Variants in DNAH14 observed in about 807,000 individuals in gnomAD.
The protein encoded by DNAH14 is dynein axonemal heavy chain 14, also known as axonemal beta dynein heavy chain 14.
DNAH14 carries 478 observed loss-of-function variants against 520.9 expected under a neutral mutation model. The ratio of observed to expected loss-of-function variants is 0.92; its 90% CI spans 0.85 to 0.99. The LOEUF (loss-of-function observed/expected upper bound fraction) is 0.99, where lower values mean the gene tolerates loss of function less well. Ranked by LOEUF, DNAH14 falls within the 50% of genes least tolerant of loss-of-function variation. DNAH14 has a pLI of 0.00. For synonymous variants in DNAH14, 1,581 were observed against 1,757.2 expected, an observed-to-expected ratio of 0.90 and a Z score of 2.51; for missense variants, 4,831 against 5,234.5, an observed-to-expected ratio of 0.92 and a Z score of 2.38.
At chr1:225,132,527 T>C (rs959565439) in intron 27 of DNAH14, among the ~76,000 whole-genome samples, 5 of 152,198 alleles carry the variant, frequency 3.3e-5, no homozygotes, top group Admixed American at 1.3e-4. Context: ...GATCCATCCA[T>C]GTCCCTGCAA....
rs2093067655 is a variant in DNAH14, at chr1:225,265,197, A to G, written c.7238A>G (p.Lys2413Arg). The G allele has an allele frequency of 6.8e-7, 1 of 1,479,696 alleles. No homozygotes were observed. Among genetic ancestry groups the G allele is most frequent in the East Asian group, 2.7e-5 (1 of 37,248 alleles). 91.7% of individuals were successfully genotyped at this position (1,479,696 alleles called of 1,614,324 possible). The change falls in exon 48 of 86, where the codon AAG (lysine) becomes AGG (arginine). Residue 2413 changes from lysine (K) to arginine (R), a missense_variant. Transcript: ENST00000682510. Reference protein sequence around the residue: ...ATGSSDNPTKKPEVRTNKKLL... With the variant: ...ATGSSDNPTKRPEVRTNKKLL... The stretch of plus-strand genomic sequence containing the variant: ...GGCATCACAGATAATCCCACTAAAA[A>G]GCCAGAAGTTAGAACTAATAAAAAG...
At chr1:224,950,260 A>G (rs1006621432) in intron 1 of DNAH14, among the ~76,000 whole-genome samples, 2 of 152,026 alleles carry the variant, frequency 1.3e-5, no homozygotes, top group African/African-American at 4.8e-5. Context: ...TTCTTTATTT[A>G]CAAGTTGTCC....
chr1:225,357,826 C>A (rs997011302), intron 73 of DNAH14: 11 of 702,032 alleles, frequency 1.6e-5, no homozygotes, highest in African/African-American at 3.5e-5. Context: ...AGATGTTGAA[C>A]ATGTTCAGGA....
intron 56 of DNAH14, among the ~76,000 whole-genome samples, chr1:225,302,764 G>A (rs1388926877): frequency 1.3e-5 from 2 of 152,074 alleles, no homozygotes; most frequent in African/African-American, 4.8e-5. Context: ...TACTCTTATT[G>A]TCAGTCTGTT....
At chr1:225,327,707 G>T (rs1265078906) in intron 64 of DNAH14, among the ~76,000 whole-genome samples, 1 of 150,356 alleles carries the variant, frequency 6.7e-6, no homozygotes, top group African/African-American at 2.5e-5. Context: ...CAGAAGAAAA[G>T]AAATAATAAA....
intron 17 of DNAH14, among the ~76,000 whole-genome samples, chr1:225,069,132 C>T (rs1199874418): frequency 6.6e-6 from 1 of 152,070 alleles, no homozygotes; most frequent in African/African-American, 2.4e-5. Context: ...GTGGAGTTTT[C>T]TAAATATCGG....
At position 225,300,889 on chromosome 1, in the gene DNAH14, G is replaced by C. The variant is rs369507297; in HGVS notation, c.8490G>C (p.Leu2830Phe). ...CTAAGGACTCATTTTTAGAAGATTT[G>C]AACTACATCATCAGTTCAGGAAGAA... is the stretch of plus-strand genomic sequence containing the variant. ...NIEQDSFLED[L>F]NYIISSGRIP... Residue 2830 changes from leucine (L) to phenylalanine (F), a missense_variant, in exon 56 of 86, where the codon TTG (leucine) becomes TTC (phenylalanine). Transcript: ENST00000682510. The C allele has an allele frequency of 1.3e-4, 199 of 1,550,280 alleles. 2 individuals carry two copies. Among genetic ancestry groups the C allele is most frequent in the Non-Finnish European group, 1.7e-4 (191 of 1,146,706 alleles).
At chr1:225,089,442 C>CAAAAAAAAAAAAAAAA (rs1169182387) in intron 21 of DNAH14, among the ~76,000 whole-genome samples, 1 of 29,890 alleles carries the variant, frequency 3.3e-5, no homozygotes, top group Non-Finnish European at 6.4e-5. Flanking sequence ...AAAACTCCGT[C>CAAAAAAAAAAAAAAAA]AAAAAAAAAA....
At position 225,023,754 on chromosome 1, in the gene DNAH14, AG is replaced by A; in HGVS notation, c.1249del (p.Glu417AsnfsTer7). 6.4e-7 allele frequency: 1 copy of A among 1,550,908 alleles called. No homozygotes were observed. The highest frequency in any genetic ancestry group is 8.7e-7 in the Non-Finnish European group (1 of 1,146,550). On this transcript the variant is annotated frameshift_variant, in exon 11 of 86. Coordinates refer to ENST00000682510, the MANE Select transcript of DNAH14 (RefSeq NM_001367479.1). LOFTEE classifies it high-confidence loss of function. Reference sequence around the variant, plus strand: ...GTAATGCTGGTTGACTACATATTTCAGGAACTCATTCGTCAACTTATGAACA... The same window carrying A: ...GTAATGCTGGTTGACTACATATTTCAGAACTCATTCGTCAACTTATGAACA... The part of the protein sequence containing the change: ...KFVMLVDYIF[Q>X]ELIRQLMNTA...
Position 225,087,026 on chromosome 1 carries a change from A to G in DNAH14, c.3573+1237A>G, listed in dbSNP as rs2073894759. ...CACACACACACACACACACACACAC[A>G]CACACACACAGCCTTCTACTTCTAA... On this transcript the variant is annotated intron_variant, in intron 21 of 85. Transcript: ENST00000682510. Among the ~76,000 whole-genome samples, 7 of 144,246 alleles carry G rather than the reference A, an allele frequency of 4.9e-5. No homozygotes were observed. The South Asian group carries it at 1.6e-3, about 33-fold the overall frequency. 94.6% of individuals were successfully genotyped at this position (144,246 alleles called of 152,430 possible). A position where few individuals can be genotyped will look rare whatever the true frequency, so the allele number is the denominator to read the frequency against.
intron 41 of DNAH14, among the ~76,000 whole-genome samples, chr1:225,222,435 G>A (rs942964325): frequency 6.6e-5 from 10 of 152,106 alleles, no homozygotes; most frequent in African/African-American, 2.4e-4. Context: ...AAGGTGGCAC[G>A]GACCCAAAGA....
chr1:225,283,543 C>T (rs951530925), intron 54 of DNAH14, among the ~76,000 whole-genome samples: 2 of 151,716 alleles, frequency 1.3e-5, no homozygotes, highest in African/African-American at 4.8e-5. Context: ...GAACCAAAAC[C>T]GACAGAATTT....
chr1:225,123,227 A>T (rs1421302729), intron 26 of DNAH14, among the ~76,000 whole-genome samples: 2 of 152,234 alleles, frequency 1.3e-5, no homozygotes, highest in Non-Finnish European at 2.9e-5. Context: ...AGATTTTGTC[A>T]TAAATACTAT....
chr1:225,179,918 G>T (rs1342520286), intron 36 of DNAH14, among the ~76,000 whole-genome samples: 6 of 151,870 alleles, frequency 4.0e-5, no homozygotes. Context: ...TTTCTGTCAG[G>T]ACTTCAAATA....
chr1:224,936,782 C>T (rs2059067864), intron 1 of DNAH14, among the ~76,000 whole-genome samples: 1 of 151,800 alleles, frequency 6.6e-6, no homozygotes, highest in African/African-American at 2.4e-5. Context: ...AAACTATACG[C>T]AAGTATCACT....
chr1:225,182,502 CG>C (rs1441040728), intron 36 of DNAH14, among the ~76,000 whole-genome samples: 6 of 152,220 alleles, frequency 3.9e-5, no homozygotes, highest in African/African-American at 1.4e-4. Context: ...AACACCTTCA[CG>C]AGAGCTAAAT....
At chr1:225,074,145 G>A (rs1041331590) in intron 17 of DNAH14, among the ~76,000 whole-genome samples, 10 of 150,456 alleles carry the variant, frequency 6.6e-5, no homozygotes, top group South Asian at 4.2e-4. Flanking sequence ...GACTACAGGC[G>A]CCCGCCACTA....
At chr1:225,335,305 A>G (rs1353864802) in intron 66 of DNAH14, among the ~76,000 whole-genome samples, 2 of 140,818 alleles carry the variant, frequency 1.4e-5, no homozygotes, top group South Asian at 2.3e-4. Context: ...ACACATGTGT[A>G]CACGTGTGTA....
At chr1:225,134,936 C>T (rs1559066459) in intron 27 of DNAH14, among the ~76,000 whole-genome samples, 1 of 152,014 alleles carries the variant, frequency 6.6e-6, no homozygotes. Context: ...TTGATTTTTT[C>T]CTGGTTCAGT....
Sources: gnomAD v4.1 joint callset for allele counts (sites outside exome capture counted in the v4.1 genomes callset) on GRCh38, gnomAD v4.1.1 for gene constraint, MANE v1.5 for transcripts, NCBI Gene and HGNC (gene_info 2026-07-23, HGNC 2026-07-21) for gene names.